ZNF536: variants seen among roughly 807,000 people sequenced by gnomAD.
The protein encoded by ZNF536 is zinc finger protein 536.
Under a neutral mutation model 84.5 loss-of-function variants are expected in ZNF536, and 13 were observed. The observed-to-expected ratio is 0.15, with a 90% CI of 0.10 to 0.24. The LOEUF (loss-of-function observed/expected upper bound fraction) is 0.24, where lower values mean the gene tolerates loss of function less well. Among genes scored for constraint, ZNF536 ranks in the 10% least tolerant of loss-of-function variants. ZNF536 has a pLI of 1.00. For missense variants in ZNF536, 1,536 were observed against 1,747.5 expected (o/e 0.88, Z 2.16); for synonymous variants, 811 against 742.5 (o/e 1.09, Z -1.50).
chr19:30,415,304 T>TTCC (rs2050678879), intron 1 of ZNF536, among the ~76,000 whole-genome samples: 1 of 143,382 alleles, frequency 7.0e-6, no homozygotes, highest in Non-Finnish European at 1.5e-5. Flanking sequence ...CTTCTTCTTC[T>TTCC]TCTCCTTCTC....
At position 30,617,567 on chromosome 19, in the gene ZNF536, G is replaced by A. The variant is rs896640606; in HGVS notation, c.169+68053G>A. Among the ~76,000 whole-genome samples the A allele has an allele frequency of 4.0e-5, 6 of 151,318 alleles. 1 individual carries two copies. The South Asian group carries it at 1.0e-3, about 26-fold the overall frequency. ...GGGTTTCACTGTGTTAGTCAGGATG[G>A]TCTCGATCTCCTGACCTCGTGATCT... On this transcript the variant is annotated intron_variant, in intron 1 of 1. Transcript: ENST00000592773.
chr19:30,625,786 T>G (rs1345090466), intron 1 of ZNF536, among the ~76,000 whole-genome samples: 1 of 152,184 alleles, frequency 6.6e-6, no homozygotes, highest in East Asian at 1.9e-4. Context: ...AGGCATGCCA[T>G]GGACTCTGTG....
At position 30,549,356 on chromosome 19, in the gene ZNF536, C is replaced by A. The variant is rs200396158; in HGVS notation, c.3737C>A (p.Ala1246Glu). 6.2e-7 allele frequency: 1 copy of A among 1,602,052 alleles called. No homozygotes were observed. The highest frequency in any genetic ancestry group is 1.1e-5 in the South Asian group (1 of 89,320). Residue 1246 changes from alanine (A) to glutamate (E), a missense_variant, in exon 4 of 5, where the codon GCG becomes GAG. Transcript: ENST00000355537. ...QGLLQAQDPL[A>E]GLPKPERGPQ... ...CTTCTCCAAGCCCAGGACCCCTTGGCGGGCCTGCCAAAGCCGGAGCGGGGG... is the reference window on the plus strand; with the variant it reads ...CTTCTCCAAGCCCAGGACCCCTTGGAGGGCCTGCCAAAGCCGGAGCGGGGG...
At chr19:30,634,656 C>T (rs1234682464) in intron 1 of ZNF536, among the ~76,000 whole-genome samples, 1 of 152,070 alleles carries the variant, frequency 6.6e-6, no homozygotes, top group African/African-American at 2.4e-5. Flanking sequence ...TGGCTGTGGT[C>T]CTCTCCACTT....
intron 2 of ZNF536, among the ~76,000 whole-genome samples, chr19:30,299,472 C>T (rs528268014): frequency 1.3e-5 from 2 of 152,062 alleles, no homozygotes; most frequent in East Asian, 1.9e-4. Flanking sequence ...AAATAGGCTG[C>T]CTGTGAGGGT....
intron 1 of ZNF536, among the ~76,000 whole-genome samples, chr19:30,584,410 G>T (rs1310093242): frequency 6.6e-6 from 1 of 152,232 alleles, no homozygotes; most frequent in Non-Finnish European, 1.5e-5. Context: ...TCTGGGTGTA[G>T]TGGAAAGTGT....
At chr19:30,337,290 G>T (rs751560285) in intron 2 of ZNF536, among the ~76,000 whole-genome samples, 1 of 152,090 alleles carries the variant, frequency 6.6e-6, no homozygotes, top group African/African-American at 2.4e-5. Flanking sequence ...GCTGGCGTCC[G>T]CAATCTCCCA....
chr19:30,625,282 T>C (rs969575036), intron 1 of ZNF536, among the ~76,000 whole-genome samples: 1 of 152,190 alleles, frequency 6.6e-6, no homozygotes, highest in African/African-American at 2.4e-5. Context: ...TCATGATCAC[T>C]TGACCAACAG....
At chr19:30,473,589 C>A (rs1380743791) in intron 2 of ZNF536, among the ~76,000 whole-genome samples, 1 of 152,238 alleles carries the variant, frequency 6.6e-6, no homozygotes, top group Non-Finnish European at 1.5e-5. Context: ...CTTGGACAGG[C>A]TGGCACCCAT....
intron 1 of ZNF536, among the ~76,000 whole-genome samples, chr19:30,418,107 T>G (rs2050808965): frequency 6.6e-6 from 1 of 152,172 alleles, no homozygotes; most frequent in Admixed American, 6.5e-5. Flanking sequence ...CCAAGCATTT[T>G]TTTTTTTTAA....
At chr19:30,406,086 ATCTT>A (rs2050252062) in intron 1 of ZNF536, among the ~76,000 whole-genome samples, 6 of 152,316 alleles carry the variant, frequency 3.9e-5, no homozygotes, top group African/African-American at 1.4e-4. Context: ...CACTGTTTCT[ATCTT>A]ATCAGACCTG....
chr19:30,258,999 T>G (rs1298637843), intron 1 of ZNF536, among the ~76,000 whole-genome samples: 1 of 152,198 alleles, frequency 6.6e-6, no homozygotes, highest in Admixed American at 6.5e-5. Flanking sequence ...ATTACAGGCA[T>G]GAGCCACTGT....
chr19:30,493,088 A>ATTT (rs2054570976), intron 2 of ZNF536, among the ~76,000 whole-genome samples: 2 of 85,800 alleles, frequency 2.3e-5, no homozygotes, highest in East Asian at 4.0e-4. Context: ...AATATTACTC[A>ATTT]CTTTTTTTTT....
At position 30,257,072 on chromosome 19, in the gene ZNF536, T is replaced by C. The variant is rs150746281; in HGVS notation, c.-189-27000T>C. On this transcript the variant is annotated intron_variant, in intron 1 of 5. Transcript: ENST00000585628. ...ATTGTTTCATATAGCTTATATGTCTTCATTTACAGCCGAATATTCTGTTGA... is the reference window on the plus strand; with the variant it reads ...ATTGTTTCATATAGCTTATATGTCTCCATTTACAGCCGAATATTCTGTTGA... Among the ~76,000 whole-genome samples, 168 of 152,336 alleles carry C rather than the reference T, an allele frequency of 1.1e-3. 1 individual carries two copies. The highest frequency in any genetic ancestry group is 6.8e-3 in the Middle Eastern group (2 of 294).
intron 2 of ZNF536, among the ~76,000 whole-genome samples, chr19:30,525,081 G>A (rs2044519278): frequency 6.6e-6 from 1 of 152,152 alleles, no homozygotes; most frequent in African/African-American, 2.4e-5. Context: ...TTGAGTAAAT[G>A]AAATGGGGAA....
intron 1 of ZNF536, among the ~76,000 whole-genome samples, chr19:30,381,008 C>T (rs573180831): frequency 6.6e-6 from 1 of 152,118 alleles, no homozygotes; most frequent in African/African-American, 2.4e-5. Context: ...TCCTGAGTAG[C>T]TGGGACTGCA....
At chr19:30,635,902 C>T (rs568514561) in intron 1 of ZNF536, among the ~76,000 whole-genome samples, 18 of 152,364 alleles carry the variant, frequency 1.2e-4, no homozygotes, top group African/African-American at 3.1e-4. Flanking sequence ...TGCCATGTGG[C>T]GCTTTCTGAG....
intron 1 of ZNF536, among the ~76,000 whole-genome samples, chr19:30,638,215 A>C (rs990536868): frequency 6.6e-6 from 1 of 152,240 alleles, no homozygotes; most frequent in African/African-American, 2.4e-5. Flanking sequence ...CCTCTGATCC[A>C]TTTTAGCATG....
intron 1 of ZNF536, among the ~76,000 whole-genome samples, chr19:30,426,438 A>T (rs1448874690): frequency 6.6e-6 from 1 of 151,972 alleles, no homozygotes; most frequent in Non-Finnish European, 1.5e-5. Context: ...TATATGGGGG[A>T]AGGTTTTGGT....
Sources: gnomAD v4.1 joint callset for allele counts (sites outside exome capture counted in the v4.1 genomes callset) on GRCh38, gnomAD v4.1.1 for gene constraint, MANE v1.5 for transcripts, NCBI Gene and HGNC (gene_info 2026-07-23, HGNC 2026-07-21) for gene names.